The following RFX7 variants were observed in gnomAD, a reference collection of about 807,000 sequenced individuals.
RFX7 encodes DNA-binding protein RFX7.
In RFX7, 26 loss-of-function variants were observed where a neutral mutation model predicts 111.8. The ratio of observed to expected loss-of-function variants is 0.23; its 90% confidence interval spans 0.17 to 0.32. The LOEUF (loss-of-function observed/expected upper bound fraction) is 0.32. Ranked by LOEUF, RFX7 falls within the 10% of genes least tolerant of loss-of-function variation. RFX7 has a pLI of 1.00. For synonymous variants in RFX7, 624 were observed against 624.4 expected (o/e 1.00, Z 0.01); for missense variants, 1,573 against 1,772.9 (o/e 0.89, Z 2.02).
intron 5 of RFX7, among the ~76,000 whole-genome samples, chr15:56,107,563 T>C (rs1456163518): frequency 2.6e-5 from 4 of 152,150 alleles, no homozygotes; most frequent in African/African-American, 9.7e-5. Context: ...AATATAGTCA[T>C]GGGATACCTA....
chr15:56,169,337 T>G (rs1265754674), intron 3 of RFX7, among the ~76,000 whole-genome samples: 1 of 152,234 alleles, frequency 6.6e-6, no homozygotes, highest in African/African-American at 2.4e-5. Context: ...AGCATTTATT[T>G]TTAAACAGTA....
rs539497861 is a variant in RFX7, at chr15:56,208,047, C to T, written c.162-28744G>A. 1.3e-4 allele frequency among the ~76,000 whole-genome samples: 20 copies of T among 152,316 alleles called. No homozygotes were observed. The East Asian group carries it at 2.3e-3, about 18-fold the overall frequency. On this transcript the variant is annotated intron_variant, in intron 2 of 9. Coordinates refer to ENST00000559447, the MANE Select transcript of RFX7 (RefSeq NM_022841.7). ...ACTCCAGGGAAATCCAGTAATCAAG[C>T]ATCTCCACACTTTTACCTCCAAGAG...
Position 56,203,674 on chromosome 15 carries a change from G to T in RFX7, c.162-24371C>A, listed in dbSNP as rs567881890. ...GCCAAAACCCACCAAAACCAAAATGGCCACGAGAGTGACCTCTGGTCATCC... is the reference window on the plus strand; with the variant it reads ...GCCAAAACCCACCAAAACCAAAATGTCCACGAGAGTGACCTCTGGTCATCC... On this transcript the variant is annotated intron_variant, in intron 2 of 9. Transcript: ENST00000559447. Among the ~76,000 whole-genome samples, 17 of 152,182 alleles carry T rather than the reference G, an allele frequency of 1.1e-4. No individual in the cohort carries two copies. The South Asian group carries it at 1.7e-3, about 15-fold the overall frequency.
chr15:56,121,558 G>T (rs2042078777), intron 5 of RFX7, among the ~76,000 whole-genome samples: 1 of 152,076 alleles, frequency 6.6e-6, no homozygotes, highest in African/African-American at 2.4e-5. Flanking sequence ...CTTGGATATT[G>T]ATATCTCTCT....
At chr15:56,152,314 C>T (rs1263675537) in intron 3 of RFX7, among the ~76,000 whole-genome samples, 1 of 152,158 alleles carries the variant, frequency 6.6e-6, no homozygotes, top group Non-Finnish European at 1.5e-5. Flanking sequence ...TAAAACACTC[C>T]TCAGCAAATG....
At position 56,095,407 on chromosome 15, in the gene RFX7, A is replaced by C; in HGVS notation, c.2321T>G (p.Val774Gly). ...VFLLDSDSKS[V>G]GSFNPNGWQQ... ...CCATCCATTTGGATTAAAGCTGCCAACTGACTTTGAATCACTGTCCAAGAG... is the reference window on the plus strand; with the variant it reads ...CCATCCATTTGGATTAAAGCTGCCACCTGACTTTGAATCACTGTCCAAGAG... Residue 774 changes from valine to glycine, a missense_variant, in exon 10 of 10, where the codon GTT becomes GGT. Transcript: ENST00000559447. The C allele has an allele frequency of 1.2e-6, 2 of 1,613,426 alleles. No homozygotes were observed. The highest frequency in any genetic ancestry group is 1.1e-5 in the South Asian group (1 of 91,088).
At chr15:56,152,675 T>C (rs1257594488) in intron 3 of RFX7, among the ~76,000 whole-genome samples, 2 of 148,270 alleles carry the variant, frequency 1.3e-5, no homozygotes, top group Non-Finnish European at 3.0e-5. Flanking sequence ...ATTCAAAAAC[T>C]AGCAGAAGAC....
rs551792056 is a variant in RFX7, at chr15:56,239,387, G to A, written c.161+3738C>T. Among the ~76,000 whole-genome samples, 9 of 152,034 alleles carry A rather than the reference G, an allele frequency of 5.9e-5. No homozygotes were observed. In the South Asian group the frequency reaches 1.9e-3, roughly 32 times the overall value. ...GGGTTCAAGCGATTCTCCTGCCTCA[G>A]CCTCCCGAGTAGCCAGGATTACAGG... is the stretch of plus-strand genomic sequence containing the variant. On this transcript the variant is annotated intron_variant, in intron 2 of 9. Coordinates refer to ENST00000559447, the MANE Select transcript of RFX7 (RefSeq NM_022841.7).
chr15:56,098,506 T>G, intron 8 of RFX7, 130 bp from the exon 9 acceptor site: 2 of 834,242 alleles, frequency 2.4e-6, no homozygotes, highest in Non-Finnish European at 3.6e-6. Flanking sequence ...TAACTCACAA[T>G]TTCTTTATGA....
In RFX7 at chr15:56,096,492, G is replaced by A. The variant is rs765147558; in HGVS notation, c.1236C>T (p.Pro412=). The change falls in exon 10 of 10, where the codon CCC becomes CCT. Residue 412 remains proline (P), a synonymous_variant. Transcript: ENST00000559447. ...CACCAGGACTGGCTGGAACGTTCTG[G>A]GGAGTCTTTGGTGCCTGTTTCACAG... ...MQSVKQAPKT[P]QNVPASPGGD... 1.2e-6 allele frequency: 2 copies of A among 1,606,392 alleles called. No homozygotes were observed. Among genetic ancestry groups the A allele is most frequent in the South Asian group, 1.1e-5 (1 of 89,756 alleles).
At chr15:56,169,073 G>A (rs1346907521) in intron 3 of RFX7, among the ~76,000 whole-genome samples, 4 of 152,104 alleles carry the variant, frequency 2.6e-5, no homozygotes, top group East Asian at 1.9e-4. Context: ...AAAGATTTCC[G>A]AAAATGGTAA....
chr15:56,164,796 A>G (rs2042764206), intron 3 of RFX7, among the ~76,000 whole-genome samples: 1 of 152,214 alleles, frequency 6.6e-6, no homozygotes, highest in Non-Finnish European at 1.5e-5. Context: ...ATCTCATAAT[A>G]GGCTTTGCTG....
intron 5 of RFX7, among the ~76,000 whole-genome samples, chr15:56,107,190 G>A (rs377648379): frequency 2.0e-5 from 3 of 150,214 alleles, no homozygotes; most frequent in Non-Finnish European, 4.4e-5. Context: ...CCAGTTACTC[G>A]GGAGGCTGAG....
In RFX7 at chr15:56,092,633, ATG is replaced by A. The variant is rs1343644607; in HGVS notation, c.*710_*711del. 6.6e-6 allele frequency: 1 copy of A among 152,594 alleles called. No individual in the cohort carries two copies. The highest frequency in any genetic ancestry group is 2.4e-5 in the African/African-American group (1 of 41,460). 9.5% of individuals were successfully genotyped at this position (152,594 alleles called of 1,614,324 possible). A position where few individuals can be genotyped will look rare whatever the true frequency, so the allele number is the denominator to read the frequency against. On this transcript the variant is annotated 3_prime_UTR_variant, in exon 10 of 10. Coordinates refer to ENST00000559447, the MANE Select transcript of RFX7 (RefSeq NM_022841.7). ...TTTGTGTGTGCGTGCCTGCGCATCT[ATG>A]TGTGCTAGCTCCATATTAAAATCAA...
rs547155761 is a variant in RFX7 at position 56,219,179 on chromosome 15, T to TA, written c.161+23945dup. On this transcript the variant is annotated intron_variant, in intron 2 of 9. Transcript: ENST00000559447. The stretch of plus-strand genomic sequence containing the variant: ...TTGACACTCCAATATTAGATATAAA[T>TA]AAATATTTAGGATTTTATGTTTTTC... 7.9e-5 allele frequency among the ~76,000 whole-genome samples: 12 copies of TA among 152,316 alleles called. No homozygotes were observed. In the South Asian group the frequency reaches 2.5e-3, roughly 32 times the overall value.
chr15:56,167,861 T>C (rs2042801645), intron 3 of RFX7, among the ~76,000 whole-genome samples: 1 of 152,226 alleles, frequency 6.6e-6, no homozygotes, highest in Non-Finnish European at 1.5e-5. Flanking sequence ...TGTAAGTTTT[T>C]AAAATGGCAT....
intron 5 of RFX7, among the ~76,000 whole-genome samples, chr15:56,113,860 T>C (rs548599907): frequency 3.3e-4 from 50 of 152,310 alleles, no homozygotes; most frequent in Non-Finnish European, 5.1e-4. Flanking sequence ...CAATAAAGGA[T>C]ATGGGAATTT....
At chr15:56,136,998 G>A (rs562952429) in intron 5 of RFX7, among the ~76,000 whole-genome samples, 1 of 151,590 alleles carries the variant, frequency 6.6e-6, no homozygotes, top group Non-Finnish European at 1.5e-5. Context: ...GCTTTTTGAT[G>A]TGCTGCTGGA....
chr15:56,200,111 T>C (rs2043179568), intron 2 of RFX7, among the ~76,000 whole-genome samples: 1 of 152,142 alleles, frequency 6.6e-6, no homozygotes, highest in African/African-American at 2.4e-5. Flanking sequence ...TGTCAGTAAA[T>C]AAGCTGAATT....
Sources: gnomAD v4.1 joint callset for allele counts (sites outside exome capture counted in the v4.1 genomes callset) on GRCh38, gnomAD v4.1.1 for gene constraint, MANE v1.5 for transcripts, NCBI Gene and HGNC (gene_info 2026-07-23, HGNC 2026-07-21) for gene names.